CHKB: variants seen among roughly 807,000 people sequenced by gnomAD.
CHKB encodes the protein choline/ethanolamine kinase.
A neutral mutation model predicts 57.3 loss-of-function variants in CHKB; 45 were observed. The ratio of observed to expected loss-of-function variants is 0.79; its 90% CI spans 0.62 to 1.01. The LOEUF is 1.01. Among genes scored for constraint, CHKB ranks in the 50% least tolerant of loss-of-function variants. CHKB has a pLI of 0.00. For missense variants in CHKB, 517 were observed against 502.8 expected (o/e 1.03, Z -0.27); for synonymous variants, 224 against 201.8 (o/e 1.11, Z -0.93).
intron 4 of CHKB, among the ~76,000 whole-genome samples, chr22:50,580,963 TAG>T (rs1241412178): frequency 6.6e-6 from 1 of 152,158 alleles, no homozygotes; most frequent in African/African-American, 2.4e-5. Context: ...TGTATTTTAA[TAG>T]AGACAGGGTT....
At position 50,580,870 on chromosome 22, in the gene CHKB, C is replaced by G. The variant is rs974400374; in HGVS notation, c.582-210G>C. On this transcript the variant is annotated intron_variant, in intron 4 of 10. Coordinates refer to ENST00000406938, the MANE Select transcript of CHKB (RefSeq NM_005198.5). ...TCTTGGCTCACTGCAACCTCTGCCT[C>G]CCGGGTTCAAGCAATTCTCCTGCCT... 3 of 544,202 alleles carry G rather than the reference C, an allele frequency of 5.5e-6. No homozygotes were observed. In the African/African-American group the frequency reaches 5.7e-5, roughly 10 times the overall value. The allele number at this position is 544,202 out of a possible 1,614,324, so 33.7% of individuals were successfully genotyped here. A position where few individuals can be genotyped will look rare whatever the true frequency, so the allele number is the denominator to read the frequency against.
At chr22:50,580,738 A>G (rs914109441) in intron 4 of CHKB, 78 bp from the exon 5 acceptor site, 8 of 1,207,876 alleles carry the variant, frequency 6.6e-6, no homozygotes, top group South Asian at 2.5e-5. Flanking sequence ...AGGCCAGACT[A>G]CTGCACCCCT....
chr22:50,581,402 A>G lies in CHKB; in HGVS notation c.581+18T>C. 6.2e-7 allele frequency: 1 copy of G among 1,612,458 alleles called. No individual in the cohort carries two copies. Among genetic ancestry groups the G allele is most frequent in the Non-Finnish European group, 8.5e-7 (1 of 1,179,694 alleles). On this transcript the variant is annotated intron_variant, in intron 4 of 10. Coordinates refer to ENST00000406938, the MANE Select transcript of CHKB (RefSeq NM_005198.5). Reference sequence around the variant, plus strand: ...TCAGCTCAGGAGTACAGGAGCCCTGAGGAGGCTCCTGACTCACCGCTCCAT... The same window carrying G: ...TCAGCTCAGGAGTACAGGAGCCCTGGGGAGGCTCCTGACTCACCGCTCCAT...
chr22:50,582,500 C>A (rs1184643951), intron 1 of CHKB, 58 bp downstream of exon 1: 1 of 1,539,904 alleles, frequency 6.5e-7, no homozygotes, highest in Admixed American at 1.9e-5. Flanking sequence ...CTGAGGGCCC[C>A]GCGGCTGACC....
Position 50,581,424 on chromosome 22 carries a change from C to T in CHKB, c.577G>A (p.Glu193Lys), listed in dbSNP as rs1555894697. 1 of 1,613,310 alleles carries T rather than the reference C, an allele frequency of 6.2e-7. No homozygotes were observed. The highest frequency in any genetic ancestry group is 8.5e-7 in the Non-Finnish European group (1 of 1,179,944). ...KEPHWLFGTM[E>K]RYLKQIQDLP... ...CTGAGGAGGCTCCTGACTCACCGCT[C>T]CATGGTCCCAAACAGCCAGTGGGGC... The change falls in exon 4 of 11, where the codon GAG (glutamate) becomes AAG (lysine). Residue 193 changes from glutamate (E) to lysine (K), a missense_variant. Physicochemically the swap from Glu to Lys is moderately conservative, Grantham distance 56. Coordinates refer to ENST00000406938, the MANE Select transcript of CHKB (RefSeq NM_005198.5).
chr22:50,582,297 G>C lies in CHKB; in HGVS notation c.285C>G (p.Gly95=), dbSNP rs923090455. The change falls in exon 2 of 11, where the codon GGC becomes GGG. Residue 95 remains glycine (G), a synonymous_variant. Coordinates refer to ENST00000406938, the MANE Select transcript of CHKB (RefSeq NM_005198.5). The part of the protein sequence containing the change: ...CSLPDHLPSV[G]EEPREVLLRL... Reference sequence around the variant, plus strand: ...GCAGAAGCACCTCCCGGGGCTCCTCGCCAACGCTGGGCAGGTGGTCCGGGA... The same window carrying C: ...GCAGAAGCACCTCCCGGGGCTCCTCCCCAACGCTGGGCAGGTGGTCCGGGA... The C allele has an allele frequency of 6.3e-7, 1 of 1,593,608 alleles. No individual in the cohort carries two copies. The highest frequency in any genetic ancestry group is 8.5e-7 in the Non-Finnish European group (1 of 1,172,510).
Position 50,580,389 on chromosome 22 carries a change from T to C in CHKB, c.705A>G (p.Pro235=). The change falls in exon 6 of 11, where the codon CCA becomes CCG. Residue 235 remains proline (P), a synonymous_variant. Transcript: ENST00000406938. The stretch of plus-strand genomic sequence containing the variant: ...GGATGTCATTGTGGCAGAAGACGAC[T>C]GGCGATGGGGTAGACTCTAGTAACT... The part of the protein sequence containing the change: ...LRKLLESTPS[P]VVFCHNDIQE... The C allele has an allele frequency of 6.2e-7, 1 of 1,614,006 alleles. No homozygotes were observed. The highest frequency in any genetic ancestry group is 8.5e-7 in the Non-Finnish European group (1 of 1,180,020).
At chr22:50,579,912 A>G (rs752126398) in intron 8 of CHKB, 62 bp downstream of exon 8, 5 of 1,597,044 alleles carry the variant, frequency 3.1e-6, no homozygotes, top group Non-Finnish European at 4.3e-6. Flanking sequence ...CATTCCTTCC[A>G]GACTCCACCT....
At chr22:50,580,853 C>G in intron 4 of CHKB, 193 bp from the exon 5 acceptor site, 1 of 584,828 alleles carries the variant, frequency 1.7e-6, no homozygotes, top group Non-Finnish European at 3.1e-6. Flanking sequence ...GATCTTGGCT[C>G]ACTGCAACCT....
Position 50,581,858 on chromosome 22 carries a change from A to G in CHKB, c.338T>C (p.Val113Ala). ...CACGCTTTCTAGCACCAGGGAGTCCACGCCCTGAAAAAGGATGGACAGCAA... is the reference window on the plus strand; with the variant it reads ...CACGCTTTCTAGCACCAGGGAGTCCGCGCCCTGAAAAAGGATGGACAGCAA... ...LRLYGAILQG[V>A]DSLVLESVMF... The change falls in exon 3 of 11, where the codon GTG (valine) becomes GCG (alanine). Residue 113 changes from valine to alanine, a missense_variant. By Grantham distance (64) the Val-to-Ala change is moderately conservative (BLOSUM62 0). Transcript: ENST00000406938. 6.2e-7 allele frequency: 1 copy of G among 1,613,720 alleles called. No homozygotes were observed. The highest frequency in any genetic ancestry group is 8.5e-7 in the Non-Finnish European group (1 of 1,179,980).
Position 50,580,348 on chromosome 22 carries a change from C to T in CHKB, c.736+10G>A. On this transcript the variant is annotated intron_variant, in intron 6 of 10. Coordinates refer to ENST00000406938, the MANE Select transcript of CHKB (RefSeq NM_005198.5). ...ATCTTGGGTTAGGAGACTCAGATGC[C>T]TTCTCCTACCTTCCTGGATGTCATT... The T allele has an allele frequency of 6.2e-7, 1 of 1,613,972 alleles. No homozygotes were observed. The highest frequency in any genetic ancestry group is 8.5e-7 in the Non-Finnish European group (1 of 1,179,992).
Position 50,581,827 on chromosome 22 carries a change from G to A in CHKB, c.369C>T (p.Phe123=). 2 of 1,613,856 alleles carry A rather than the reference G, an allele frequency of 1.2e-6. No homozygotes were observed. The highest frequency in any genetic ancestry group is 1.7e-5 in the Admixed American group (1 of 60,014). Residue 123 remains phenylalanine, a synonymous_variant, in exon 3 of 11, where the codon TTC becomes TTT. Coordinates refer to ENST00000406938, the MANE Select transcript of CHKB (RefSeq NM_005198.5). ...VDSLVLESVM[F]AILAERSLGP... ...CCAGCGACCGCTCCGCAAGTATGGC[G>A]AACATCACGCTTTCTAGCACCAGGG...
At chr22:50,579,575 C>A in intron 9 of CHKB, 68 bp from the exon 10 acceptor site, 1 of 1,577,686 alleles carries the variant, frequency 6.3e-7, no homozygotes, top group Non-Finnish European at 8.7e-7. Context: ...TCCCCTCACC[C>A]AGGTTGGCCA....
At position 50,581,532 on chromosome 22, in the gene CHKB, C is replaced by CT. The variant is rs2070691083; in HGVS notation, c.468dup (p.Glu157ArgfsTer53). On this transcript the variant is annotated frameshift_variant, in exon 4 of 11. Coordinates refer to ENST00000406938, the MANE Select transcript of CHKB (RefSeq NM_005198.5). LOFTEE classifies it high-confidence loss of function. ...GCTGACAACACTGGCTCTCGAAGCT[C>CT]TTGAGTTTTCAATGGCCGACTCTGC... The CT allele has an allele frequency of 1.2e-6, 2 of 1,613,786 alleles. No homozygotes were observed. The highest frequency in any genetic ancestry group is 2.7e-5 in the African/African-American group (2 of 74,904).
In CHKB at chr22:50,579,733, A is replaced by G. The variant is rs2070637514; in HGVS notation, c.1025T>C (p.Val342Ala). ...CCTGCCCCTCCTTCCTCACCGACTG[A>G]CTTCTACCAGCAAATCTTCTTCCAG... ...RKLEEDLLVE[V>A]SRYALASHFF... is the part of the protein sequence containing the mutation. Residue 342 changes from valine (V) to alanine (A), a missense_variant, in exon 9 of 11, where the codon GTC (valine) becomes GCC (alanine). Transcript: ENST00000406938. The G allele has an allele frequency of 1.2e-6, 2 of 1,612,884 alleles. No individual in the cohort carries two copies. Among genetic ancestry groups the G allele is most frequent in the East Asian group, 4.5e-5 (2 of 44,844 alleles).
At chr22:50,582,034 T>G in intron 2 of CHKB, 172 bp from the exon 3 acceptor site, 1 of 774,802 alleles carries the variant, frequency 1.3e-6, no homozygotes. Flanking sequence ...CTCACTATGT[T>G]GTCCAGGCTG....
intron 2 of CHKB, 23 bp from the exon 3 acceptor site, chr22:50,581,885 G>C: frequency 1.2e-6 from 2 of 1,607,462 alleles, no homozygotes; most frequent in East Asian, 2.2e-5. Flanking sequence ...GGACAGCAAA[G>C]GGGCCAAGGC....
chr22:50,579,798 T>G lies in CHKB; in HGVS notation c.960A>C (p.Ala320=). 1 of 1,614,038 alleles carries G rather than the reference T, an allele frequency of 6.2e-7. No homozygotes were observed. Among genetic ancestry groups the G allele is most frequent in the Non-Finnish European group, 8.5e-7 (1 of 1,180,024 alleles). ...CTTGGGAGAGGGTCTCACCTTTCTT[T>G]GCCTCTGCCAGGTAATGACGAATAA... ...LHFIRHYLAE[A]KKGETLSQEE... is the part of the protein sequence containing the mutation. Residue 320 remains alanine (A), a synonymous_variant, in exon 9 of 11, where the codon GCA becomes GCC. Transcript: ENST00000406938.
intron 4 of CHKB, 26 bp downstream of exon 4, chr22:50,581,394 G>C: frequency 6.2e-7 from 1 of 1,612,014 alleles, no homozygotes; most frequent in East Asian, 2.2e-5. Context: ...AGGAGTACAG[G>C]AGCCCTGAGG....
Sources: allele counts gnomAD v4.1 joint callset (sites outside exome capture counted in the v4.1 genomes callset), GRCh38; gene constraint gnomAD v4.1.1; transcripts MANE v1.5; gene names NCBI Gene and HGNC (gene_info 2026-07-23, HGNC 2026-07-21).